MSRA: variants seen among roughly 807,000 people sequenced by gnomAD.
MSRA encodes methionine sulfoxide reductase A.
A neutral mutation model predicts 31.3 loss-of-function variants in MSRA; 54 were observed. The observed-to-expected ratio is 1.73, with a 90% CI of 1.39 to 2.17. The LOEUF (loss-of-function observed/expected upper bound fraction) is 2.17, where lower values mean the gene tolerates loss of function less well. Among genes scored for constraint, MSRA ranks in the 30% most tolerant of loss-of-function variants. The pLI is 0.00. For missense variants in MSRA, 507 were observed against 300.9 expected (o/e 1.69, Z -5.07); for synonymous variants, 169 against 116.5 (o/e 1.45, Z -2.90).
intron 2 of MSRA, among the ~76,000 whole-genome samples, chr8:10,219,519 A>G (rs1810293021): frequency 6.6e-6 from 1 of 152,118 alleles, no homozygotes; most frequent in African/African-American, 2.4e-5. Flanking sequence ...ATTCCCATGA[A>G]TGAAATTTGG....
At chr8:10,378,148 G>A (rs888843372) in intron 5 of MSRA, among the ~76,000 whole-genome samples, 2 of 152,224 alleles carry the variant, frequency 1.3e-5, no homozygotes, top group South Asian at 2.1e-4. Flanking sequence ...TGGGGATCAG[G>A]GACCCTGGAT....
intron 1 of MSRA, among the ~76,000 whole-genome samples, chr8:10,186,316 C>G (rs1207596560): frequency 6.6e-6 from 1 of 152,190 alleles, no homozygotes; most frequent in Non-Finnish European, 1.5e-5. Context: ...CATACGGTTC[C>G]TGTCACGATG....
chr8:10,321,394 G>A (rs968279161), intron 5 of MSRA, among the ~76,000 whole-genome samples: 8 of 152,002 alleles, frequency 5.3e-5, no homozygotes, highest in African/African-American at 1.7e-4. Context: ...GTAGAAGGAC[G>A]GGTGACTCAA....
chr8:10,387,078 G>T (rs796552372), intron 5 of MSRA, among the ~76,000 whole-genome samples: 5 of 152,244 alleles, frequency 3.3e-5, no homozygotes, highest in Admixed American at 1.3e-4. Context: ...ACAAGCTCCA[G>T]AGGCAGCTGC....
chr8:10,082,014 C>T (rs1360927109), intron 1 of MSRA, among the ~76,000 whole-genome samples: 2 of 152,082 alleles, frequency 1.3e-5, no homozygotes, highest in Non-Finnish European at 2.9e-5. Flanking sequence ...CTAGACTGGA[C>T]AACAAAGTGA....
rs1809373684 is a variant in MSRA at position 10,428,855 on chromosome 8, T to C, written c.*543T>C. 6.5e-6 allele frequency: 1 copy of C among 153,016 alleles called. No homozygotes were observed. The highest frequency in any genetic ancestry group is 2.1e-4 in the South Asian group (1 of 4,850). The allele number at this position is 153,016 out of a possible 1,614,324, so 9.5% of individuals were successfully genotyped here. ...GCTTTGCTTAGAGCTATGAGAAATG[T>C]TTGTTTTAATAAAAACCTACAGTCC... On this transcript the variant is annotated 3_prime_UTR_variant, in exon 6 of 6. Transcript: ENST00000317173.
At chr8:10,239,640 C>T (rs1373502517) in intron 2 of MSRA, among the ~76,000 whole-genome samples, 1 of 152,194 alleles carries the variant, frequency 6.6e-6, no homozygotes, top group Non-Finnish European at 1.5e-5. Context: ...CAGGCAATAG[C>T]TGTATCTTAT....
intron 2 of MSRA, among the ~76,000 whole-genome samples, chr8:10,230,522 A>G (rs978266175): frequency 1.3e-5 from 2 of 152,202 alleles, no homozygotes; most frequent in Non-Finnish European, 2.9e-5. Flanking sequence ...TACAGAAAAT[A>G]TGGAAAATAT....
intron 3 of MSRA, among the ~76,000 whole-genome samples, chr8:10,276,443 T>C (rs1159514688): frequency 6.6e-6 from 1 of 152,232 alleles, no homozygotes; most frequent in Non-Finnish European, 1.5e-5. Context: ...GACCTGACAA[T>C]TCCGGCCTCA....
At chr8:10,360,561 G>A (rs1219925798) in intron 5 of MSRA, among the ~76,000 whole-genome samples, 2 of 152,184 alleles carry the variant, frequency 1.3e-5, no homozygotes, top group Non-Finnish European at 2.9e-5. Flanking sequence ...GGGAGACAGG[G>A]CCCCTTGCCG....
intron 3 of MSRA, among the ~76,000 whole-genome samples, chr8:10,290,951 G>T (rs1272568523): frequency 6.6e-6 from 1 of 152,148 alleles, no homozygotes; most frequent in Non-Finnish European, 1.5e-5. Flanking sequence ...AATGGGCACA[G>T]GTCCTTTTGT....
chr8:10,073,863 C>A (rs1377200967), intron 1 of MSRA, among the ~76,000 whole-genome samples: 1 of 151,902 alleles, frequency 6.6e-6, no homozygotes, highest in African/African-American at 2.4e-5. Flanking sequence ...CATTTCACTT[C>A]TTCTTGACCT....
chr8:10,125,439 C>G (rs1266155456), intron 1 of MSRA, among the ~76,000 whole-genome samples: 1 of 152,164 alleles, frequency 6.6e-6, no homozygotes, highest in Non-Finnish European at 1.5e-5. Context: ...AGAAGGGGGA[C>G]ACTCAGGAGT....
At chr8:10,142,784 A>T (rs1416290530) in intron 1 of MSRA, among the ~76,000 whole-genome samples, 2 of 152,242 alleles carry the variant, frequency 1.3e-5, no homozygotes, top group Non-Finnish European at 2.9e-5. Flanking sequence ...GTCAGTTGCG[A>T]TAATAGCCAT....
intron 1 of MSRA, among the ~76,000 whole-genome samples, chr8:10,099,897 T>C (rs547294030): frequency 6.3e-4 from 96 of 152,124 alleles, no homozygotes; most frequent in Non-Finnish European, 1.2e-3. Flanking sequence ...ATATTGTACT[T>C]TAGGACTTGG....
At chr8:10,221,121 C>CA (rs1463461435) in intron 2 of MSRA, among the ~76,000 whole-genome samples, 5 of 152,186 alleles carry the variant, frequency 3.3e-5, no homozygotes, top group African/African-American at 1.2e-4. Context: ...TCTGCTTTCC[C>CA]ACGTGCAGAA....
chr8:10,330,678 A>G (rs189534916), intron 5 of MSRA, among the ~76,000 whole-genome samples: 5 of 152,358 alleles, frequency 3.3e-5, no homozygotes, highest in Non-Finnish European at 7.3e-5. Flanking sequence ...AGAATCTCCT[A>G]GGAACTCGTC....
chr8:10,404,466 G>C (rs1807672256), intron 5 of MSRA, among the ~76,000 whole-genome samples: 1 of 152,236 alleles, frequency 6.6e-6, no homozygotes, highest in African/African-American at 2.4e-5. Flanking sequence ...CGCCCACGTG[G>C]ATGGCTTCAA....
chr8:10,343,309 T>C (rs1262144248), intron 5 of MSRA, among the ~76,000 whole-genome samples: 1 of 152,178 alleles, frequency 6.6e-6, no homozygotes, highest in African/African-American at 2.4e-5. Flanking sequence ...AGATCGGATG[T>C]AATTAGTTTA....
Sources: gnomAD v4.1 joint callset for allele counts (sites outside exome capture counted in the v4.1 genomes callset) on GRCh38, gnomAD v4.1.1 for gene constraint, MANE v1.5 for transcripts, NCBI Gene and HGNC (gene_info 2026-07-23, HGNC 2026-07-21) for gene names.